Variants in PRSS41 observed in about 807,000 individuals in gnomAD.
PRSS41 encodes the protein serine protease 41.
A neutral mutation model predicts 28.8 loss-of-function variants in PRSS41; 37 were observed. That is an observed-to-expected ratio of 1.29 (90% confidence interval 0.99 to 1.69). PRSS41 has a LOEUF of 1.69. Among genes scored for constraint, PRSS41 ranks in the 40% most tolerant of loss-of-function variants. PRSS41 has a pLI of 0.00. For synonymous variants in PRSS41, 195 were observed against 163.1 expected, an observed-to-expected ratio of 1.20 and a Z score of -1.49; for missense variants, 431 against 400.7, an observed-to-expected ratio of 1.08 and a Z score of -0.65.
At chr16:2,802,375 G>A (rs1433262492) in intron 4 of PRSS41, among the ~76,000 whole-genome samples, 2 of 149,852 alleles carry the variant, frequency 1.3e-5, no homozygotes, top group African/African-American at 2.5e-5. Flanking sequence ...GCGGCCGGGC[G>A]GAGACGCTCC....
Sources: gnomAD v4.1 joint callset for allele counts (sites outside exome capture counted in the v4.1 genomes callset) on GRCh38, gnomAD v4.1.1 for gene constraint, MANE v1.5 for transcripts, NCBI Gene and HGNC (gene_info 2026-07-23, HGNC 2026-07-21) for gene names.